Variants in SPOCK3 observed in about 807,000 individuals in gnomAD.
SPOCK3 encodes the protein SPARC (osteonectin), cwcv and kazal like domains proteoglycan 3.
In SPOCK3, 30 loss-of-function variants were observed where a neutral mutation model predicts 56.6. That is an observed-to-expected ratio of 0.53 (90% CI 0.40 to 0.72). The LOEUF is 0.72. Ranked by LOEUF, SPOCK3 falls within the 30% of genes least tolerant of loss-of-function variation. SPOCK3 has a pLI of 0.00. For synonymous variants in SPOCK3, 196 were observed against 183.3 expected (o/e 1.07, Z -0.56); for missense variants, 527 against 530.0 (o/e 0.99, Z 0.06).
chr4:166,884,912 G>A (rs905979708), intron 6 of SPOCK3, among the ~76,000 whole-genome samples: 2 of 148,916 alleles, frequency 1.3e-5, no homozygotes, highest in South Asian at 2.1e-4. Context: ...TAGTATTAAA[G>A]TCTAGTATGT....
intron 3 of SPOCK3, among the ~76,000 whole-genome samples, chr4:167,032,578 C>T (rs771521547): frequency 6.6e-6 from 1 of 151,816 alleles, no homozygotes; most frequent in Non-Finnish European, 1.5e-5. Flanking sequence ...GTACTGTATG[C>T]TCAGTTAATG....
intron 6 of SPOCK3, among the ~76,000 whole-genome samples, chr4:166,867,309 T>C (rs1210392140): frequency 6.6e-6 from 1 of 152,068 alleles, no homozygotes; most frequent in African/African-American, 2.4e-5. Context: ...GTTATTTTTA[T>C]ATTTTCCATC....
chr4:167,197,107 T>C (rs971910197), intron 2 of SPOCK3, among the ~76,000 whole-genome samples: 8 of 152,146 alleles, frequency 5.3e-5, no homozygotes, highest in African/African-American at 1.7e-4. Flanking sequence ...AGGGTGCATC[T>C]ACCAGGCTTG....
At chr4:166,909,357 T>G (rs1287482404) in intron 5 of SPOCK3, among the ~76,000 whole-genome samples, 1 of 152,094 alleles carries the variant, frequency 6.6e-6, no homozygotes, top group Non-Finnish European at 1.5e-5. Context: ...CCTTCTGATA[T>G]TCCTCTTTCC....
rs1737492617 is a variant in SPOCK3 at position 167,234,174 on chromosome 4, C to G, written c.1-1G>C. 1 of 1,563,164 alleles carries G rather than the reference C, an allele frequency of 6.4e-7. No homozygotes were observed. Among genetic ancestry groups the G allele is most frequent in the Non-Finnish European group, 8.8e-7 (1 of 1,139,630 alleles). The stretch of plus-strand genomic sequence containing the variant: ...ACAGTACGGCTGACACCTTGAGCAT[C>G]TGGGAGAGGAGACACAACGGGGGGT... On this transcript the variant is annotated splice_acceptor_variant, in intron 1 of 10. Transcript: ENST00000357545. LOFTEE classifies it low-confidence loss of function (5UTR_SPLICE).
At chr4:167,076,141 T>A (rs1757160095) in intron 2 of SPOCK3, among the ~76,000 whole-genome samples, 1 of 151,872 alleles carries the variant, frequency 6.6e-6, no homozygotes, top group Non-Finnish European at 1.5e-5. Flanking sequence ...TGCCAGGGTT[T>A]GGGTGGGGAG....
intron 4 of SPOCK3, among the ~76,000 whole-genome samples, chr4:166,974,516 A>G (rs1410342379): frequency 1.3e-5 from 2 of 152,142 alleles, no homozygotes; most frequent in Non-Finnish European, 2.9e-5. Flanking sequence ...ATACCAAATA[A>G]TAATCTATAA....
intron 2 of SPOCK3, among the ~76,000 whole-genome samples, chr4:167,230,151 T>C (rs1266197962): frequency 1.3e-5 from 2 of 151,974 alleles, no homozygotes; most frequent in Non-Finnish European, 2.9e-5. Context: ...AATTAATTTA[T>C]GTATTTCAGT....
At chr4:167,102,457 C>T (rs1190559501) in intron 2 of SPOCK3, 5 of 152,106 alleles carry the variant, frequency 3.3e-5, no homozygotes, top group African/African-American at 9.7e-5. Flanking sequence ...CTTCATATCA[C>T]CAAGAAGCAC....
At chr4:167,156,619 A>G (rs1764839116) in intron 2 of SPOCK3, among the ~76,000 whole-genome samples, 1 of 152,204 alleles carries the variant, frequency 6.6e-6, no homozygotes, top group Non-Finnish European at 1.5e-5. Flanking sequence ...ATTTACTTAA[A>G]AGTAAAAACA....
chr4:167,038,271 A>T (rs777403080), intron 3 of SPOCK3, among the ~76,000 whole-genome samples: 3 of 152,226 alleles, frequency 2.0e-5, no homozygotes, highest in Non-Finnish European at 4.4e-5. Flanking sequence ...TCAGTTGGAC[A>T]TAAGAGAATT....
At chr4:166,840,943 T>A (rs2126828648) in intron 6 of SPOCK3, among the ~76,000 whole-genome samples, 1 of 151,196 alleles carries the variant, frequency 6.6e-6, no homozygotes, top group South Asian at 2.1e-4. Context: ...CACGCCCGGC[T>A]AATTTTTTGT....
intron 7 of SPOCK3, among the ~76,000 whole-genome samples, chr4:166,779,472 G>T (rs1283657944): frequency 6.6e-6 from 1 of 151,342 alleles, no homozygotes; most frequent in Non-Finnish European, 1.5e-5. Flanking sequence ...GAACTAAATG[G>T]AATGTAAGAA....
At chr4:166,792,423 C>A (rs1251839523) in intron 6 of SPOCK3, 134 bp from the exon 7 acceptor site, 3 of 836,452 alleles carry the variant, frequency 3.6e-6, no homozygotes, top group Non-Finnish European at 5.5e-6. Context: ...TCAGCTTTTT[C>A]AAAGTTAAAT....
Position 167,097,956 on chromosome 4 carries a change from A to G in SPOCK3, c.190-35419T>C, listed in dbSNP as rs139073491. On this transcript the variant is annotated intron_variant, in intron 2 of 10. Coordinates refer to ENST00000357545, the MANE Select transcript of SPOCK3 (RefSeq NM_001040159.2). ...AATTAACACAAAAACAGCAAACTAAATAATGCATAATTAACCTTAATCTTT... is the reference window on the plus strand; with the variant it reads ...AATTAACACAAAAACAGCAAACTAAGTAATGCATAATTAACCTTAATCTTT... Among the ~76,000 whole-genome samples the G allele has an allele frequency of 7.1e-3, 1,085 of 152,080 alleles. 20 individuals carry two copies. The highest frequency in any genetic ancestry group is 0.025 in the African/African-American group (1,023 of 41,516).
chr4:167,147,519 A>AT (rs1262669678), intron 2 of SPOCK3, among the ~76,000 whole-genome samples: 1 of 152,188 alleles, frequency 6.6e-6, no homozygotes, highest in African/African-American at 2.4e-5. Context: ...ACGTATGTTT[A>AT]TTATGACACT....
In SPOCK3 at chr4:167,213,056, G is replaced by A. The variant is rs545768116; in HGVS notation, c.189+20929C>T. Among the ~76,000 whole-genome samples, 13 of 152,290 alleles carry A rather than the reference G, an allele frequency of 8.5e-5. No individual in the cohort carries two copies. The South Asian group carries it at 2.3e-3, about 27-fold the overall frequency. Reference sequence around the variant, plus strand: ...ATCTACATCTAAGCATTTTCCAGACGTTTATTTACAGAAATGTTAATACTG... The same window carrying A: ...ATCTACATCTAAGCATTTTCCAGACATTTATTTACAGAAATGTTAATACTG... On this transcript the variant is annotated intron_variant, in intron 2 of 10. Coordinates refer to ENST00000357545, the MANE Select transcript of SPOCK3 (RefSeq NM_001040159.2).
At chr4:167,080,165 T>G (rs1453601409) in intron 2 of SPOCK3, among the ~76,000 whole-genome samples, 1 of 152,080 alleles carries the variant, frequency 6.6e-6, no homozygotes, top group African/African-American at 2.4e-5. Context: ...ACTCTATATG[T>G]CCCTAATATT....
intron 7 of SPOCK3, among the ~76,000 whole-genome samples, chr4:166,783,684 C>T (rs1324503236): frequency 1.3e-5 from 2 of 151,894 alleles, no homozygotes; most frequent in Non-Finnish European, 2.9e-5. Context: ...GGACTGCAGT[C>T]CTTGATGTTT....
Sources: gnomAD v4.1 joint callset for allele counts (sites outside exome capture counted in the v4.1 genomes callset) on GRCh38, gnomAD v4.1.1 for gene constraint, MANE v1.5 for transcripts, NCBI Gene and HGNC (gene_info 2026-07-23, HGNC 2026-07-21) for gene names.